Variants in BMP5 observed in about 807,000 individuals in gnomAD.
BMP5 encodes bone morphogenetic protein 5.
In BMP5, 23 loss-of-function variants were observed where a neutral mutation model predicts 46.6. The ratio of observed to expected loss-of-function variants is 0.49; its 90% CI spans 0.35 to 0.70. BMP5 has a LOEUF of 0.70. Among genes scored for constraint, BMP5 ranks in the 30% least tolerant of loss-of-function variants. BMP5 has a pLI of 0.00. For synonymous variants in BMP5, 204 were observed against 191.9 expected, an observed-to-expected ratio of 1.06 and a Z score of -0.52; for missense variants, 545 against 565.6, an observed-to-expected ratio of 0.96 and a Z score of 0.37.
At chr6:55,781,940 A>G (rs555784295) in intron 3 of BMP5, among the ~76,000 whole-genome samples, 1 of 152,200 alleles carries the variant, frequency 6.6e-6, no homozygotes, top group South Asian at 2.1e-4. Flanking sequence ...TCAAATGATC[A>G]TAGGCTACTT....
intron 1 of BMP5, among the ~76,000 whole-genome samples, chr6:55,832,601 T>C (rs1776691793): frequency 6.6e-6 from 1 of 152,154 alleles, no homozygotes; most frequent in Non-Finnish European, 1.5e-5. Context: ...ACATGACATA[T>C]CTAATTGAAG....
intron 1 of BMP5, among the ~76,000 whole-genome samples, chr6:55,855,341 T>C (rs1307733743): frequency 6.6e-6 from 1 of 151,918 alleles, no homozygotes; most frequent in Non-Finnish European, 1.5e-5. Flanking sequence ...GTTAGGATGG[T>C]GCCACTGCAT....
chr6:55,839,744 A>G lies in BMP5; in HGVS notation c.491-19897T>C, dbSNP rs547624580. Among the ~76,000 whole-genome samples, 14 of 152,278 alleles carry G rather than the reference A, an allele frequency of 9.2e-5. No homozygotes were observed. In the East Asian group the frequency reaches 2.3e-3, roughly 25 times the overall value. On this transcript the variant is annotated intron_variant, in intron 1 of 6. Transcript: ENST00000370830. Reference sequence around the variant, plus strand: ...GCTGTTATCCTTTTTAAATTTTGCTATTGTAGACAGTGTTATTTTAATTTA... The same window carrying G: ...GCTGTTATCCTTTTTAAATTTTGCTGTTGTAGACAGTGTTATTTTAATTTA...
chr6:55,860,162 G>T (rs1182790055), intron 1 of BMP5, among the ~76,000 whole-genome samples: 2 of 152,106 alleles, frequency 1.3e-5, no homozygotes, highest in Admixed American at 6.5e-5. Context: ...GTAGTCCCAG[G>T]TGCTTGGGAG....
rs561118565 is a variant in BMP5 at position 55,762,565 on chromosome 6, GTTC to G, written c.1028-2035_1028-2033del. 3.3e-5 allele frequency among the ~76,000 whole-genome samples: 5 copies of G among 152,178 alleles called. No homozygotes were observed. The South Asian group carries it at 1.0e-3, about 32-fold the overall frequency. On this transcript the variant is annotated intron_variant, in intron 4 of 6. Coordinates refer to ENST00000370830, the MANE Select transcript of BMP5 (RefSeq NM_021073.4). Reference sequence around the variant, plus strand: ...GATTTATTTCAGACTCTACATTCTGGTTCTTCTTCAGGGAAATATCTCCCTTGC... The same window carrying G: ...GATTTATTTCAGACTCTACATTCTGGTTCTTCAGGGAAATATCTCCCTTGC...
In BMP5 at chr6:55,786,793, G is replaced by A. The variant is rs115972890; in HGVS notation, c.832+7486C>T. On this transcript the variant is annotated intron_variant, in intron 3 of 6. Transcript: ENST00000370830. ...GATATGTGATTCTTTCAGTTTCTTG[G>A]ATATAGATACTCTCTCATTTGTTTA... 9.5e-3 allele frequency among the ~76,000 whole-genome samples: 1,439 copies of A among 151,312 alleles called. 25 individuals are homozygous for A. Among genetic ancestry groups the A allele is most frequent in the African/African-American group, 0.033 (1,380 of 41,380 alleles).
At chr6:55,756,996 A>T (rs1449756282) in intron 6 of BMP5, among the ~76,000 whole-genome samples, 1 of 151,954 alleles carries the variant, frequency 6.6e-6, no homozygotes, top group East Asian at 1.9e-4. Context: ...AGGGAAAAAA[A>T]ATCAAACTTC....
chr6:55,839,269 G>A (rs1211079878), intron 1 of BMP5, among the ~76,000 whole-genome samples: 1 of 151,224 alleles, frequency 6.6e-6, no homozygotes, highest in East Asian at 1.9e-4. Context: ...TTATTTAGGG[G>A]TTTTATTTAT....
At chr6:55,796,969 A>C (rs993473130) in intron 2 of BMP5, among the ~76,000 whole-genome samples, 1 of 152,168 alleles carries the variant, frequency 6.6e-6, no homozygotes, top group Non-Finnish European at 1.5e-5. Context: ...ATAAGTGCAC[A>C]GTTTTCTATT....
At chr6:55,816,829 G>A (rs1193104328) in intron 2 of BMP5, among the ~76,000 whole-genome samples, 1 of 151,992 alleles carries the variant, frequency 6.6e-6, no homozygotes, top group African/African-American at 2.4e-5. Flanking sequence ...GTGTGTGTGT[G>A]TGTGTTGTCA....
chr6:55,805,842 T>C (rs1444443899), intron 2 of BMP5, among the ~76,000 whole-genome samples: 1 of 152,246 alleles, frequency 6.6e-6, no homozygotes, highest in African/African-American at 2.4e-5. Context: ...TTTTTTCATA[T>C]GTTTGTTGGC....
chr6:55,760,913 T>TAA (rs1211755924), intron 4 of BMP5, among the ~76,000 whole-genome samples: 1 of 151,876 alleles, frequency 6.6e-6, no homozygotes, highest in African/African-American at 2.4e-5. Flanking sequence ...TATATATATA[T>TAA]AATATTTGTG....
At chr6:55,770,788 T>A (rs1461770922) in intron 4 of BMP5, among the ~76,000 whole-genome samples, 1 of 151,838 alleles carries the variant, frequency 6.6e-6, no homozygotes, top group Non-Finnish European at 1.5e-5. Flanking sequence ...TGAACTTATT[T>A]CAATATTGTG....
chr6:55,831,083 G>T (rs867492449), intron 1 of BMP5, among the ~76,000 whole-genome samples: 1 of 152,064 alleles, frequency 6.6e-6, no homozygotes, highest in East Asian at 1.9e-4. Flanking sequence ...CACCCTGAAT[G>T]CTAAATTCCC....
At chr6:55,824,878 C>T (rs1335554539) in intron 1 of BMP5, among the ~76,000 whole-genome samples, 1 of 151,856 alleles carries the variant, frequency 6.6e-6, no homozygotes, top group Non-Finnish European at 1.5e-5. Flanking sequence ...AGACTCTTCT[C>T]TCGTTGTCAT....
At chr6:55,849,777 A>G (rs1777181512) in intron 1 of BMP5, among the ~76,000 whole-genome samples, 1 of 152,054 alleles carries the variant, frequency 6.6e-6, no homozygotes, top group East Asian at 1.9e-4. Context: ...CCTCCTATGA[A>G]CATGTTAAAC....
At chr6:55,823,935 T>A (rs1328571983) in intron 1 of BMP5, among the ~76,000 whole-genome samples, 1 of 152,032 alleles carries the variant, frequency 6.6e-6, no homozygotes, top group South Asian at 2.1e-4. Context: ...ATACTATATA[T>A]GTTAATGTAA....
chr6:55,868,990 C>T (rs1246692972), intron 1 of BMP5, among the ~76,000 whole-genome samples: 3 of 152,200 alleles, frequency 2.0e-5, no homozygotes, highest in Non-Finnish European at 4.4e-5. Flanking sequence ...ATAAATATTA[C>T]TTAGAACAAG....
In BMP5 at chr6:55,859,277, A is replaced by T. The variant is rs142408456; in HGVS notation, c.490+15099T>A. Among the ~76,000 whole-genome samples, 312 of 152,336 alleles carry T rather than the reference A, an allele frequency of 2.0e-3. 2 individuals are homozygous for T. Among genetic ancestry groups the T allele is most frequent in the African/African-American group, 7.1e-3 (296 of 41,572 alleles). ...TAATTCTGTGTAAATGCATTAAAAAAGGTCACACCTTTTGCTCTAATAATT... is the reference window on the plus strand; with the variant it reads ...TAATTCTGTGTAAATGCATTAAAAATGGTCACACCTTTTGCTCTAATAATT... On this transcript the variant is annotated intron_variant, in intron 1 of 6. Transcript: ENST00000370830.
Sources: allele counts gnomAD v4.1 joint callset (sites outside exome capture counted in the v4.1 genomes callset), GRCh38; gene constraint gnomAD v4.1.1; transcripts MANE v1.5; gene names NCBI Gene and HGNC (gene_info 2026-07-23, HGNC 2026-07-21).